Variants in LGI1 observed in about 807,000 individuals in gnomAD.
LGI1 encodes the protein leucine rich glioma inactivated 1.
A neutral mutation model predicts 57.7 loss-of-function variants in LGI1; 11 were observed. The ratio of observed to expected loss-of-function variants is 0.19; its 90% confidence interval spans 0.12 to 0.32. The LOEUF (loss-of-function observed/expected upper bound fraction) is 0.32, where lower values mean the gene tolerates loss of function less well. Ranked by LOEUF, LGI1 falls within the 10% of genes least tolerant of loss-of-function variation. The pLI, the probability that LGI1 is intolerant of heterozygous loss-of-function variation, is 1.00. For synonymous variants in LGI1, 222 were observed against 241.9 expected (o/e 0.92, Z 0.76); for missense variants, 422 against 661.9 (o/e 0.64, Z 3.98).
In LGI1 at chr10:93,793,346, T is replaced by C; in HGVS notation, c.834T>C (p.Ile278=). The C allele has an allele frequency of 2.5e-6, 4 of 1,613,490 alleles. No homozygotes were observed. The highest frequency in any genetic ancestry group is 3.4e-6 in the Non-Finnish European group (4 of 1,179,474). Residue 278 remains isoleucine (I), a synonymous_variant, in exon 7 of 8, where the codon ATT becomes ATC. Transcript: ENST00000371418. ...VEKTFRNYDN[I]TGTSTVVCKP... ...AGACCTTCCGGAATTATGACAACAT[T>C]ACAGGTATGAAAAGCCTAATGATAT... is the stretch of plus-strand genomic sequence containing the variant.
In LGI1 at chr10:93,793,352, T is replaced by C; in HGVS notation, c.838+2T>C. The C allele has an allele frequency of 6.2e-7, 1 of 1,612,960 alleles. No homozygotes were observed. Among genetic ancestry groups the C allele is most frequent in the Non-Finnish European group, 8.5e-7 (1 of 1,179,026 alleles). ...TCCGGAATTATGACAACATTACAGG[T>C]ATGAAAAGCCTAATGATATTTTGAG... On this transcript the variant is annotated splice_donor_variant, in intron 7 of 7. Transcript: ENST00000371418. LOFTEE classifies it high-confidence loss of function.
At chr10:93,781,535 G>A (rs151022717) in intron 4 of LGI1, among the ~76,000 whole-genome samples, 1 of 151,986 alleles carries the variant, frequency 6.6e-6, no homozygotes, top group East Asian at 1.9e-4. Context: ...TCAAATGTTG[G>A]GATTCTCAAT....
intron 5 of LGI1, chr10:93,791,306 G>A (rs1031261122): frequency 2.6e-5 from 4 of 152,206 alleles, no homozygotes; most frequent in African/African-American, 4.8e-5. Flanking sequence ...TGGGAGACTA[G>A]GTCAGTTCTG....
chr10:93,781,425 C>T (rs1055751319), intron 4 of LGI1, among the ~76,000 whole-genome samples: 1 of 151,898 alleles, frequency 6.6e-6, no homozygotes, highest in Non-Finnish European at 1.5e-5. Flanking sequence ...GGCTATCAGG[C>T]GAGATCCTCC....
chr10:93,777,616 T>G lies in LGI1; in HGVS notation c.430T>G (p.Leu144Val). 1.2e-6 allele frequency: 2 copies of G among 1,609,622 alleles called. No individual in the cohort carries two copies. The highest frequency in any genetic ancestry group is 1.7e-6 in the Non-Finnish European group (2 of 1,176,076). The stretch of plus-strand genomic sequence containing the variant: ...CCGGGGACTAAAGTCATTAATTCAC[T>G]TGTAAGTATGAATGTTGCTATTACT... The part of the protein sequence containing the change: ...TFRGLKSLIH[L>V]SLANNNLQTL... The change falls in exon 4 of 8, where the codon TTG becomes GTG. Residue 144 changes from leucine (L) to valine (V), a missense_variant and splice_region_variant. Coordinates refer to ENST00000371418, the MANE Select transcript of LGI1 (RefSeq NM_005097.4).
intron 7 of LGI1, among the ~76,000 whole-genome samples, chr10:93,795,282 T>G (rs2059970697): frequency 6.6e-6 from 1 of 152,108 alleles, no homozygotes; most frequent in Non-Finnish European, 1.5e-5. Context: ...AGAACAGAAA[T>G]TTATTTCTCA....
At chr10:93,769,625 A>G (rs2133990179) in intron 2 of LGI1, 1 of 152,314 alleles carries the variant, frequency 6.6e-6, no homozygotes, top group Non-Finnish European at 1.5e-5. Flanking sequence ...TGCATCCTCA[A>G]TCCTATTTTA....
At position 93,792,767 on chromosome 10, in the gene LGI1, T is replaced by G; in HGVS notation, c.528T>G (p.Asn176Lys). 6.2e-7 allele frequency: 1 copy of G among 1,614,134 alleles called. No homozygotes were observed. The highest frequency in any genetic ancestry group is 8.5e-7 in the Non-Finnish European group (1 of 1,180,008). Reference protein sequence around the residue: ...TNVDLRGNSFNCDCKLKWLVE... With the variant: ...TNVDLRGNSFKCDCKLKWLVE... ...GGGACCTGAGGGGTAATTCATTTAA[T>G]TGTGACTGTAAACTGAAATGGCTAG... The change falls in exon 6 of 8, where the codon AAT becomes AAG. Residue 176 changes from asparagine to lysine, a missense_variant. Transcript: ENST00000371418.
intron 4 of LGI1, among the ~76,000 whole-genome samples, chr10:93,787,229 A>T (rs2059898759): frequency 6.6e-6 from 1 of 152,078 alleles, no homozygotes; most frequent in African/African-American, 2.4e-5. Flanking sequence ...GATTTCATTG[A>T]ATTTTTGGTA....
chr10:93,789,722 C>A (rs1589770778), intron 4 of LGI1: 4 of 198,868 alleles, frequency 2.0e-5, no homozygotes, highest in Non-Finnish European at 4.1e-5. Context: ...AAAAATACAA[C>A]AATTAGCCGG....
At chr10:93,767,481 C>T (rs913924582) in intron 2 of LGI1, 1 of 152,122 alleles carries the variant, frequency 6.6e-6, no homozygotes, top group African/African-American at 2.4e-5. Context: ...TCTTAACATC[C>T]CATAGAATAT....
At chr10:93,777,339 G>C (rs774963281) in intron 2 of LGI1, 40 bp from the exon 3 acceptor site, 3 of 1,569,432 alleles carry the variant, frequency 1.9e-6, no homozygotes, top group Admixed American at 3.3e-5. Flanking sequence ...TTGACAATCT[G>C]TCAGTTTCAC....
At chr10:93,769,901 T>C (rs1004919073) in intron 2 of LGI1, 1 of 152,126 alleles carries the variant, frequency 6.6e-6, no homozygotes, top group Admixed American at 6.6e-5. Context: ...AGGCCACTCA[T>C]GGGCCAGATA....
At chr10:93,792,711 T>C in intron 5 of LGI1, 32 bp from the exon 6 acceptor site, 1 of 1,612,218 alleles carries the variant, frequency 6.2e-7, no homozygotes, top group Non-Finnish European at 8.5e-7. Flanking sequence ...AGGGCCCTTG[T>C]ACAGCAAAAG....
intron 4 of LGI1, among the ~76,000 whole-genome samples, chr10:93,780,056 C>T (rs1399588324): frequency 6.6e-6 from 1 of 152,158 alleles, no homozygotes; most frequent in African/African-American, 2.4e-5. Flanking sequence ...GGAGTAGGGC[C>T]TACAAAGATG....
chr10:93,798,050 T>C lies in LGI1; in HGVS notation c.*247T>C. The C allele has an allele frequency of 1.8e-6, 1 of 545,624 alleles. No individual in the cohort carries two copies. The highest frequency in any genetic ancestry group is 3.3e-6 in the Non-Finnish European group (1 of 306,294). 33.8% of individuals were successfully genotyped at this position (545,624 alleles called of 1,614,324 possible). On this transcript the variant is annotated 3_prime_UTR_variant, in exon 8 of 8. Coordinates refer to ENST00000371418, the MANE Select transcript of LGI1 (RefSeq NM_005097.4). ...TGCAGTGAAGATGTGTAAATAAGCG[T>C]TTAATGGTATCTGTTACTCCAAAAA...
chr10:93,789,900 T>G, intron 4 of LGI1, 199 bp from the exon 5 acceptor site: 1 of 562,046 alleles, frequency 1.8e-6, no homozygotes, highest in East Asian at 2.9e-5. Context: ...AAATATGGAG[T>G]GGGTGTTGAA....
intron 4 of LGI1, chr10:93,782,935 T>G (rs1449988965): frequency 1.3e-5 from 2 of 152,206 alleles, no homozygotes; most frequent in African/African-American, 4.8e-5. Context: ...GGAGGTTTTC[T>G]TGGGTAAATG....
At position 93,783,330 on chromosome 10, in the gene LGI1, C is replaced by T. The variant is rs545325090; in HGVS notation, c.431+5713C>T. Among the ~76,000 whole-genome samples the T allele has an allele frequency of 5.3e-5, 8 of 152,190 alleles. No individual in the cohort carries two copies. In the East Asian group the frequency reaches 5.8e-4, roughly 11 times the overall value. On this transcript the variant is annotated intron_variant, in intron 4 of 7. Transcript: ENST00000371418. ...GGTGGAGCTTGCAGTGAGCCGAGAT[C>T]GCGCCACTGCACTCCAGCTTGGGTG...
Sources: allele counts gnomAD v4.1 joint callset (sites outside exome capture counted in the v4.1 genomes callset), GRCh38; gene constraint gnomAD v4.1.1; transcripts MANE v1.5; gene names NCBI Gene and HGNC (gene_info 2026-07-23, HGNC 2026-07-21).